Variants in ADAM12 observed in about 807,000 individuals in gnomAD.
The protein encoded by ADAM12 is disintegrin and metalloproteinase domain-containing protein 12.
ADAM12 carries 70 observed loss-of-function variants against 106.4 expected under a neutral mutation model. The observed-to-expected ratio is 0.66, with a 90% CI of 0.54 to 0.80. ADAM12 has a LOEUF of 0.80. Ranked by LOEUF, ADAM12 falls within the 30% of genes least tolerant of loss-of-function variation. The pLI is 0.00. For missense variants in ADAM12, 1,010 were observed against 1,171.9 expected (o/e 0.86, Z 2.02); for synonymous variants, 420 against 433.5 (o/e 0.97, Z 0.39).
intron 2 of ADAM12, among the ~76,000 whole-genome samples, chr10:126,284,154 G>A (rs998972189): frequency 6.6e-6 from 1 of 151,890 alleles, no homozygotes; most frequent in East Asian, 1.9e-4. Context: ...CCAATATGGT[G>A]AAACCCCGTC....
At chr10:126,132,259 C>T (rs1328394001) in intron 5 of ADAM12, among the ~76,000 whole-genome samples, 1 of 152,206 alleles carries the variant, frequency 6.6e-6, no homozygotes, top group Non-Finnish European at 1.5e-5. Flanking sequence ...AGGCGTGAGC[C>T]ACCGCGCCCC....
intron 3 of ADAM12, among the ~76,000 whole-genome samples, chr10:126,216,621 A>T (rs1027943678): frequency 2.4e-4 from 37 of 152,208 alleles, no homozygotes; most frequent in African/African-American, 8.9e-4. Flanking sequence ...GTCATGTGAA[A>T]CGCATCACAC....
rs1954248079 is a variant in ADAM12 at position 126,043,995 on chromosome 10, C to T, written c.1996-847G>A. ...CCAGCAGCCCCTGCCCACCTGGTTA[C>T]CAAGGGCTACTGATGGCGGCCACTC... On this transcript the variant is annotated intron_variant, in intron 17 of 22. Coordinates refer to ENST00000448723, the MANE Select transcript of ADAM12 (RefSeq NM_001288973.2). This position sits in a 1 kb window ranked among gnomAD's most constrained non-coding sequence, Gnocchi z 4.1. 1.3e-5 allele frequency among the ~76,000 whole-genome samples: 2 copies of T among 152,174 alleles called. No homozygotes were observed. The highest frequency in any genetic ancestry group is 4.8e-5 in the African/African-American group (2 of 41,430).
intron 2 of ADAM12, among the ~76,000 whole-genome samples, chr10:126,299,387 G>A (rs1013177065): frequency 2.6e-5 from 4 of 152,122 alleles, no homozygotes; most frequent in Non-Finnish European, 4.4e-5. Context: ...TTATGGGCAA[G>A]GCACTATACA....
intron 1 of ADAM12, among the ~76,000 whole-genome samples, chr10:126,386,195 C>T (rs1856654370): frequency 1.3e-5 from 2 of 152,044 alleles, no homozygotes; most frequent in Non-Finnish European, 2.9e-5. Context: ...TGATTTGCAA[C>T]TAGAGAGTCT....
At chr10:126,201,754 C>T (rs10901555) in intron 3 of ADAM12, among the ~76,000 whole-genome samples, 26,707 of 151,892 alleles carry the variant, frequency 0.18, 2,406 homozygotes, top group East Asian at 0.26. Context: ...GGAGATACAA[C>T]GGTGAAATGA....
rs116222089 is a variant in ADAM12 at position 126,083,502 on chromosome 10, T to C, written c.1145+10483A>G. 8.1e-3 allele frequency among the ~76,000 whole-genome samples: 1,232 copies of C among 152,320 alleles called. 22 individuals are homozygous for C. The highest frequency in any genetic ancestry group is 0.028 in the African/African-American group (1,148 of 41,562). ...GGCAGCTGCTCCGATGCCTCGGGAC[T>C]CCCTGGAGCCAGACGTAAACAGAAG... On this transcript the variant is annotated intron_variant, in intron 11 of 22. Transcript: ENST00000448723.
intron 2 of ADAM12, among the ~76,000 whole-genome samples, chr10:126,284,868 A>C (rs887893832): frequency 6.6e-6 from 1 of 152,164 alleles, no homozygotes; most frequent in African/African-American, 2.4e-5. Context: ...TGGAGAAAGG[A>C]TGCTCCCTTA....
chr10:126,029,114 C>T (rs1953930539), intron 21 of ADAM12, among the ~76,000 whole-genome samples: 1 of 152,088 alleles, frequency 6.6e-6, no homozygotes, highest in Non-Finnish European at 1.5e-5. Flanking sequence ...AGAAAGGTTG[C>T]AGAGCAAAAG....
At chr10:126,129,773 T>A (rs1956271119) in intron 5 of ADAM12, among the ~76,000 whole-genome samples, 1 of 152,192 alleles carries the variant, frequency 6.6e-6, no homozygotes, top group Non-Finnish European at 1.5e-5. Context: ...ATGGCTGAAC[T>A]CCTTTTTACG....
At chr10:126,335,759 A>G (rs905214198) in intron 1 of ADAM12, among the ~76,000 whole-genome samples, 5 of 152,196 alleles carry the variant, frequency 3.3e-5, no homozygotes, top group Admixed American at 3.3e-4. Flanking sequence ...AAACCTGACA[A>G]ACCCTGCTTT....
intron 2 of ADAM12, among the ~76,000 whole-genome samples, chr10:126,311,999 C>T (rs1961120225): frequency 1.3e-5 from 2 of 151,928 alleles, no homozygotes; most frequent in Admixed American, 6.6e-5. Context: ...TTGCAATTGG[C>T]GTCTGAAGTG....
chr10:126,041,191 C>T (rs1954159175), intron 18 of ADAM12, among the ~76,000 whole-genome samples: 1 of 152,100 alleles, frequency 6.6e-6, no homozygotes, highest in African/African-American at 2.4e-5. Context: ...CTTAATGTCT[C>T]TCCAGGACCC....
intron 21 of ADAM12, among the ~76,000 whole-genome samples, chr10:126,032,764 A>G (rs2133392697): frequency 6.6e-6 from 1 of 152,292 alleles, no homozygotes; most frequent in South Asian, 2.1e-4. Flanking sequence ...AAGTCCACGG[A>G]CCAGAAAAGT....
At chr10:126,082,776 G>T (rs1955254134) in intron 11 of ADAM12, among the ~76,000 whole-genome samples, 1 of 152,270 alleles carries the variant, frequency 6.6e-6, no homozygotes, top group South Asian at 2.1e-4. Context: ...CCCTTGAGAA[G>T]CATAAGCCCA....
intron 11 of ADAM12, among the ~76,000 whole-genome samples, chr10:126,076,575 G>GT (rs1242308687): frequency 6.6e-6 from 1 of 152,132 alleles, no homozygotes; most frequent in Non-Finnish European, 1.5e-5. Flanking sequence ...GTGTGAGATG[G>GT]TATCTCACTG....
chr10:126,339,890 T>C lies in ADAM12; in HGVS notation c.89-9381A>G, dbSNP rs533322946. On this transcript the variant is annotated intron_variant, in intron 1 of 22. Transcript: ENST00000448723. ...TTTTTTTTGAGACAGAGTCTTGCTC[T>C]CTCACCCAGGCTGGAGTGCAGTGGC... Among the ~76,000 whole-genome samples, 17 of 137,922 alleles carry C rather than the reference T, an allele frequency of 1.2e-4. No individual in the cohort carries two copies. The South Asian group carries it at 3.9e-3, about 32-fold the overall frequency. 90.5% of individuals were successfully genotyped at this position (137,922 alleles called of 152,430 possible). A position where few individuals can be genotyped will look rare whatever the true frequency, so the allele number is the denominator to read the frequency against.
At chr10:126,021,081 T>G (rs1317218732) in intron 21 of ADAM12, among the ~76,000 whole-genome samples, 1 of 152,066 alleles carries the variant, frequency 6.6e-6, no homozygotes, top group Non-Finnish European at 1.5e-5. Context: ...AGGGGTTCAT[T>G]GGAGCTGTGT....
chr10:126,374,140 C>G (rs1241293455), intron 1 of ADAM12, among the ~76,000 whole-genome samples: 1 of 152,130 alleles, frequency 6.6e-6, no homozygotes, highest in Non-Finnish European at 1.5e-5. Context: ...GTATGGAGAC[C>G]AAAATTAGAA....
Sources: gnomAD v4.1 joint callset for allele counts (sites outside exome capture counted in the v4.1 genomes callset) on GRCh38, gnomAD v4.1.1 for gene constraint, Gnocchi (gnomAD v3.1) non-coding constraint, MANE v1.5 for transcripts, NCBI Gene and HGNC (gene_info 2026-07-23, HGNC 2026-07-21) for gene names.